PTCHD4: variants seen among roughly 807,000 people sequenced by gnomAD.
PTCHD4 encodes patched domain-containing protein 4.
In PTCHD4, 33 loss-of-function variants were observed where a neutral mutation model predicts 58.1. The observed-to-expected ratio is 0.57, with a 90% CI of 0.43 to 0.76. PTCHD4 has a LOEUF of 0.76. PTCHD4 is among the 30% of genes least tolerant of loss of function. The pLI, the probability that PTCHD4 is intolerant of heterozygous loss-of-function variation, is 0.00. For missense variants in PTCHD4, 1,058 were observed against 1,027.1 expected (o/e 1.03, Z -0.41); for synonymous variants, 478 against 409.6 (o/e 1.17, Z -2.02).
chr6:47,989,890 G>A (rs1025021106), intron 4 of PTCHD4, among the ~76,000 whole-genome samples: 8 of 152,104 alleles, frequency 5.3e-5, no homozygotes, highest in African/African-American at 1.2e-4. Flanking sequence ...CCCCAGAACC[G>A]TAGATCCACC....
At chr6:48,042,607 T>C (rs1763885285) in intron 3 of PTCHD4, among the ~76,000 whole-genome samples, 1 of 151,888 alleles carries the variant, frequency 6.6e-6, no homozygotes, top group African/African-American at 2.4e-5. Flanking sequence ...CGGATCAGAA[T>C]GCCCTTTCCA....
intron 4 of PTCHD4, among the ~76,000 whole-genome samples, chr6:47,925,460 C>G (rs1765578721): frequency 6.6e-6 from 1 of 152,060 alleles, no homozygotes; most frequent in African/African-American, 2.4e-5. Flanking sequence ...TTTCCTAGTA[C>G]TCTTAGTTTA....
intron 1 of PTCHD4, among the ~76,000 whole-genome samples, chr6:48,101,447 G>A (rs1765600271): frequency 6.6e-6 from 1 of 152,150 alleles, no homozygotes. Context: ...AATAGGGGAT[G>A]TTAACACTTC....
intron 4 of PTCHD4, among the ~76,000 whole-genome samples, chr6:47,888,763 C>T (rs1325556872): frequency 2.1e-5 from 3 of 144,992 alleles, no homozygotes; most frequent in African/African-American, 7.7e-5. Context: ...CCCACTAACT[C>T]GTCATCTAGC....
chr6:48,002,966 A>G (rs1166275622), intron 4 of PTCHD4, among the ~76,000 whole-genome samples: 1 of 152,004 alleles, frequency 6.6e-6, no homozygotes, highest in Non-Finnish European at 1.5e-5. Context: ...TTTTGGAACA[A>G]TCACTCTCTT....
At chr6:48,003,951 G>C (rs566205071) in intron 4 of PTCHD4, among the ~76,000 whole-genome samples, 40 of 152,124 alleles carry the variant, frequency 2.6e-4, no homozygotes, top group African/African-American at 9.6e-4. Flanking sequence ...CTTTAGAAAG[G>C]CTTTTATCTG....
chr6:47,943,435 A>G (rs991394752), intron 4 of PTCHD4, among the ~76,000 whole-genome samples: 19 of 152,184 alleles, frequency 1.2e-4, no homozygotes, highest in Admixed American at 5.9e-4. Flanking sequence ...TACTGGAGAT[A>G]GAGAAAATTT....
chr6:47,984,825 A>G (rs1362423900), intron 4 of PTCHD4, among the ~76,000 whole-genome samples: 2 of 152,128 alleles, frequency 1.3e-5, no homozygotes, highest in African/African-American at 4.8e-5. Context: ...ATAAATTTGA[A>G]TGTAATATAA....
chr6:48,059,040 A>C (rs575843183), intron 3 of PTCHD4, among the ~76,000 whole-genome samples: 3 of 152,240 alleles, frequency 2.0e-5, no homozygotes, highest in Non-Finnish European at 4.4e-5. Flanking sequence ...CTGAAGGTCA[A>C]CGCTCAAGAA....
intron 4 of PTCHD4, among the ~76,000 whole-genome samples, chr6:47,916,359 G>T (rs1293670050): frequency 6.6e-6 from 1 of 151,998 alleles, no homozygotes; most frequent in African/African-American, 2.4e-5. Context: ...TGGTACTGCT[G>T]ACCCTCTTTG....
chr6:47,888,746 C>T (rs1365361282), intron 4 of PTCHD4, among the ~76,000 whole-genome samples: 3 of 148,310 alleles, frequency 2.0e-5, no homozygotes, highest in Non-Finnish European at 4.5e-5. Context: ...CATGCTGGTG[C>T]ACTGCACCCA....
rs1361135265 is a variant in PTCHD4 at position 47,865,563 on chromosome 6, C to T, written c.*12740G>A. On this transcript the variant is annotated 3_prime_UTR_variant, in exon 5 of 5. Transcript: ENST00000339488. ...TGAATATTGTTGTGTTTTAGACACT[C>T]AAAGTTCTTGGGTGTTCAGGCCATC... Among the ~76,000 whole-genome samples the T allele has an allele frequency of 6.6e-6, 1 of 151,856 alleles. No individual in the cohort carries two copies. The highest frequency in any genetic ancestry group is 2.4e-5 in the African/African-American group (1 of 41,384).
chr6:48,068,351 T>A lies in PTCHD4; in HGVS notation c.296A>T (p.Tyr99Phe). 1 of 1,613,928 alleles carries A rather than the reference T, an allele frequency of 6.2e-7. No individual in the cohort carries two copies. Among genetic ancestry groups the A allele is most frequent in the Non-Finnish European group, 8.5e-7 (1 of 1,179,848 alleles). ...CCTCCCAGGGGTGTGTAAGTCCGAA[T>A]AGAGCTGGCTTTTGGACTGGTCCAG... ...FPLDQSKSQLYSDLHTPGRYG... is the reference protein window; with the variant it reads ...FPLDQSKSQLFSDLHTPGRYG... The change falls in exon 3 of 5, where the codon TAT (tyrosine) becomes TTT (phenylalanine). Residue 99 changes from tyrosine (Y) to phenylalanine (F), a missense_variant. By Grantham distance (22) the Tyr-to-Phe change is conservative. Transcript: ENST00000339488. This position sits in a 1 kb window ranked among gnomAD's most constrained non-coding sequence, Gnocchi z 4.2.
intron 3 of PTCHD4, among the ~76,000 whole-genome samples, chr6:48,054,673 T>C (rs1281452237): frequency 6.6e-6 from 1 of 152,100 alleles, no homozygotes; most frequent in Non-Finnish European, 1.5e-5. Context: ...TGAACTTTTG[T>C]GCAACCGGTA....
chr6:48,076,179 C>T lies in PTCHD4; in HGVS notation c.-969-6253G>A, dbSNP rs576721191. The stretch of plus-strand genomic sequence containing the variant: ...CTTTGCTCATCTATAGGAAACAACT[C>T]TTCATCCATTAAAATTTTATTTTGA... On this transcript the variant is annotated intron_variant, in intron 1 of 4. Coordinates refer to ENST00000339488, the MANE Select transcript of PTCHD4 (RefSeq NM_001384253.1). Among the ~76,000 whole-genome samples the T allele has an allele frequency of 3.9e-5, 6 of 152,330 alleles. No individual in the cohort carries two copies. The South Asian group carries it at 1.2e-3, about 32-fold the overall frequency.
Position 47,877,360 on chromosome 6 carries a change from T to C in PTCHD4, c.*943A>G, listed in dbSNP as rs1763873956. 6.6e-6 allele frequency among the ~76,000 whole-genome samples: 1 copy of C among 152,054 alleles called. No homozygotes were observed. Among genetic ancestry groups the C allele is most frequent in the Non-Finnish European group, 1.5e-5 (1 of 67,974 alleles). On this transcript the variant is annotated 3_prime_UTR_variant, in exon 5 of 5. Transcript: ENST00000339488. ...TCTGTGTAAAGCGCTCATTTGCAAT[T>C]GGGTGAGCTCACTGAAAGCAGCCAT...
intron 4 of PTCHD4, among the ~76,000 whole-genome samples, chr6:48,007,674 C>G (rs1762495202): frequency 6.6e-6 from 1 of 152,126 alleles, no homozygotes; most frequent in Non-Finnish European, 1.5e-5. Context: ...TTAGCAAAAC[C>G]CCTAGCAAGC....
At position 48,068,321 on chromosome 6, in the gene PTCHD4, C is replaced by A; in HGVS notation, c.326G>T (p.Gly109Val). 6.2e-7 allele frequency: 1 copy of A among 1,613,580 alleles called. No homozygotes were observed. The change falls in exon 3 of 5, where the codon GGC (glycine) becomes GTC (valine). Residue 109 changes from glycine (G) to valine (V), a missense_variant. Transcript: ENST00000339488. The surrounding 1 kb of genome is among the most constrained non-coding windows in gnomAD (Gnocchi z 4.2). The part of the protein sequence containing the change: ...YSDLHTPGRY[G>V]RVILLSPTGD... ...GGTTGGGGAGAGGAGGATCACCCTG[C>A]CATACCTCCCAGGGGTGTGTAAGTC...
intron 4 of PTCHD4, chr6:47,899,608 C>T (rs1332938648): frequency 3.1e-6 from 3 of 978,118 alleles, no homozygotes; most frequent in Non-Finnish European, 2.4e-6. Context: ...GAACCCCTTC[C>T]GTTTGTTTTT....
Sources: gnomAD v4.1 joint callset for allele counts (sites outside exome capture counted in the v4.1 genomes callset) on GRCh38, gnomAD v4.1.1 for gene constraint, Gnocchi (gnomAD v3.1) non-coding constraint, MANE v1.5 for transcripts, NCBI Gene and HGNC (gene_info 2026-07-23, HGNC 2026-07-21) for gene names.